The following RPS6KA5 variants were observed in gnomAD, a reference collection of about 807,000 sequenced individuals.
RPS6KA5 encodes ribosomal protein S6 kinase alpha-5.
In RPS6KA5, 27 loss-of-function variants were observed where a neutral mutation model predicts 85.5. That is an observed-to-expected ratio of 0.32 (90% CI 0.23 to 0.44). The LOEUF (loss-of-function observed/expected upper bound fraction) is 0.44. RPS6KA5 is among the 20% of genes least tolerant of loss of function. The pLI is 1.00. For synonymous variants in RPS6KA5, 334 were observed against 348.2 expected (o/e 0.96, Z 0.46); for missense variants, 811 against 980.9 (o/e 0.83, Z 2.31).
intron 1 of RPS6KA5, among the ~76,000 whole-genome samples, chr14:91,027,193 G>A (rs1016811187): frequency 1.3e-5 from 2 of 152,100 alleles, no homozygotes; most frequent in Non-Finnish European, 2.9e-5. Context: ...TCTTTCCAAA[G>A]TCCGAGGTAT....
At chr14:90,899,512 G>T in intron 11 of RPS6KA5, 90 bp from the exon 12 acceptor site, 3 of 831,954 alleles carry the variant, frequency 3.6e-6, no homozygotes, top group South Asian at 1.5e-5. Flanking sequence ...CTTATTTACA[G>T]TGCATTCAGA....
intron 3 of RPS6KA5, among the ~76,000 whole-genome samples, chr14:90,955,418 C>T (rs1595328353): frequency 6.6e-6 from 1 of 152,172 alleles, no homozygotes; most frequent in East Asian, 1.9e-4. Context: ...CCATGCCTGG[C>T]TAAAATTATT....
intron 3 of RPS6KA5, among the ~76,000 whole-genome samples, chr14:90,953,968 C>T (rs2038366333): frequency 6.6e-6 from 1 of 152,100 alleles, no homozygotes; most frequent in Non-Finnish European, 1.5e-5. Flanking sequence ...TCCTTTTTGC[C>T]CTTTGAAGCA....
At chr14:90,906,014 A>G in intron 8 of RPS6KA5, 135 bp downstream of exon 8, 1 of 807,566 alleles carries the variant, frequency 1.2e-6, no homozygotes, top group Non-Finnish European at 1.9e-6. Flanking sequence ...AAACAAAACA[A>G]AAGGTGCAAT....
chr14:91,039,486 C>G (rs2042523411), intron 1 of RPS6KA5, among the ~76,000 whole-genome samples: 1 of 152,180 alleles, frequency 6.6e-6, no homozygotes. Context: ...GAATTTTCTA[C>G]TCTCAGATCA....
chr14:90,875,163 C>A, intron 15 of RPS6KA5, 38 bp downstream of exon 15: 1 of 1,575,886 alleles, frequency 6.3e-7, no homozygotes, highest in Non-Finnish European at 8.7e-7. Context: ...TCAATCACTA[C>A]ACATCATATA....
At chr14:90,941,680 C>T (rs571937105) in intron 5 of RPS6KA5, among the ~76,000 whole-genome samples, 5 of 152,270 alleles carry the variant, frequency 3.3e-5, no homozygotes, top group East Asian at 3.9e-4. Context: ...ATGCCTACTT[C>T]GAGGGATACC....
intron 1 of RPS6KA5, among the ~76,000 whole-genome samples, chr14:91,011,969 T>A (rs2041275139): frequency 1.3e-5 from 2 of 152,246 alleles, no homozygotes; most frequent in Non-Finnish European, 2.9e-5. Context: ...GATAGAAACG[T>A]ATCGTTTGTT....
At position 90,862,445 on chromosome 14, in the gene RPS6KA5, T is replaced by A. The variant is rs1485122101; in HGVS notation, c.*9629A>T. ...CTGTCCTTCTTCTTCCTCCTCCTCC[T>A]CCTCCTCCTCCTTCTTCTTCTTCTT... is the stretch of plus-strand genomic sequence containing the variant. On this transcript the variant is annotated 3_prime_UTR_variant, in exon 17 of 17. Coordinates refer to ENST00000614987, the MANE Select transcript of RPS6KA5 (RefSeq NM_004755.4). The A allele has an allele frequency of 7.0e-6, 1 of 142,940 alleles. No homozygotes were observed. The highest frequency in any genetic ancestry group is 1.6e-5 in the Non-Finnish European group (1 of 63,858). The allele number at this position is 142,940 out of a possible 1,614,324, so 8.9% of individuals were successfully genotyped here.
Position 90,917,672 on chromosome 14 carries a change from C to T in RPS6KA5, c.806+2534G>A, listed in dbSNP as rs1177591553. Among the ~76,000 whole-genome samples the T allele has an allele frequency of 2.6e-5, 4 of 152,144 alleles. No homozygotes were observed. In the East Asian group the frequency reaches 5.8e-4, roughly 22 times the overall value. Reference sequence around the variant, plus strand: ...GTATATATTCTATATTTTCTCGCTTCTTTCACTTGGTGTAATTATTTTGAG... The same window carrying T: ...GTATATATTCTATATTTTCTCGCTTTTTTCACTTGGTGTAATTATTTTGAG... On this transcript the variant is annotated intron_variant, in intron 7 of 16. Transcript: ENST00000614987.
intron 7 of RPS6KA5, among the ~76,000 whole-genome samples, chr14:90,914,647 C>G (rs1427864558): frequency 6.6e-6 from 1 of 152,098 alleles, no homozygotes; most frequent in Non-Finnish European, 1.5e-5. Context: ...ACTCCAAATG[C>G]TCCACCCCGC....
chr14:91,055,930 G>C (rs1275878889), intron 1 of RPS6KA5, among the ~76,000 whole-genome samples: 1 of 152,232 alleles, frequency 6.6e-6, no homozygotes, highest in Non-Finnish European at 1.5e-5. Context: ...ATGTGAGTAA[G>C]CCATCTCGGA....
intron 5 of RPS6KA5, among the ~76,000 whole-genome samples, chr14:90,936,421 G>GGGCATAGT (rs1489379062): frequency 1.3e-5 from 2 of 152,028 alleles, no homozygotes; most frequent in Non-Finnish European, 2.9e-5. Flanking sequence ...AAAATTAGCC[G>GGGCATAGT]GGCATAGTGG....
At chr14:90,951,810 C>A (rs1242224054) in intron 3 of RPS6KA5, among the ~76,000 whole-genome samples, 1 of 152,148 alleles carries the variant, frequency 6.6e-6, no homozygotes, top group Non-Finnish European at 1.5e-5. Context: ...TGATATTCCC[C>A]ATTCTGAGCC....
At chr14:91,027,958 T>C (rs2139823754) in intron 1 of RPS6KA5, among the ~76,000 whole-genome samples, 1 of 152,334 alleles carries the variant, frequency 6.6e-6, no homozygotes, top group African/African-American at 2.4e-5. Flanking sequence ...TAAACATTTC[T>C]GTTAGCTGCA....
intron 14 of RPS6KA5, among the ~76,000 whole-genome samples, chr14:90,885,552 CAAAAAAAAAAAAAAAAAAAAAAA>C (rs780292114): frequency 0.37 from 7,309 of 19,590 alleles, 621 homozygotes; most frequent in South Asian, 0.48. Context: ...GACTCCGTCT[CAAAAAAAAAAAAAAAAAAAAAAA>C]AAAAAAAAAA....
chr14:90,944,703 T>C, intron 4 of RPS6KA5, among the ~76,000 whole-genome samples: 1 of 150,834 alleles, frequency 6.6e-6, no homozygotes, highest in East Asian at 2.0e-4. Context: ...TACGGTGAGC[T>C]GAGATCGTGC....
chr14:91,025,113 C>T (rs573308679), intron 1 of RPS6KA5, among the ~76,000 whole-genome samples: 315 of 151,990 alleles, frequency 2.1e-3, no homozygotes, highest in African/African-American at 7.3e-3. Flanking sequence ...GGTACGATCT[C>T]GGCTCACTGC....
chr14:90,904,206 C>T (rs111269953), intron 8 of RPS6KA5, among the ~76,000 whole-genome samples: 2,428 of 152,242 alleles, frequency 0.016, 82 homozygotes, highest in African/African-American at 0.056. Context: ...ACCTTGGCCT[C>T]CCGAAGTGCT....
Sources: allele counts gnomAD v4.1 joint callset (sites outside exome capture counted in the v4.1 genomes callset), GRCh38; gene constraint gnomAD v4.1.1; transcripts MANE v1.5; gene names NCBI Gene and HGNC (gene_info 2026-07-23, HGNC 2026-07-21).